The following SCN10A variants were observed in gnomAD, a reference collection of about 807,000 sequenced individuals.
The protein encoded by SCN10A is sodium voltage-gated channel alpha subunit 10.
A neutral mutation model predicts 170.7 loss-of-function variants in SCN10A; 162 were observed. That is an observed-to-expected ratio of 0.95 (90% CI 0.84 to 1.08). The LOEUF is 1.08. Ranked by LOEUF, SCN10A falls within the 50% of genes least tolerant of loss-of-function variation. The pLI is 0.00. For missense variants in SCN10A, 2,527 were observed against 2,436.9 expected (o/e 1.04, Z -0.78); for synonymous variants, 985 against 904.6 (o/e 1.09, Z -1.59).
chr3:38,756,960 C>T, intron 9 of SCN10A, 58 bp downstream of exon 9: 3 of 1,605,182 alleles, frequency 1.9e-6, no homozygotes, highest in Non-Finnish European at 2.6e-6. Flanking sequence ...AAAGCACAGC[C>T]ATGCAGCTGA....
intron 4 of SCN10A, among the ~76,000 whole-genome samples, chr3:38,781,729 T>C (rs1575174561): frequency 6.6e-6 from 1 of 152,150 alleles, no homozygotes; most frequent in African/African-American, 2.4e-5. Context: ...GGTTCCTACT[T>C]TGATTAATAA....
intron 8 of SCN10A, 61 bp from the exon 9 acceptor site, chr3:38,757,220 C>T (rs757752502): frequency 1.3e-5 from 20 of 1,494,144 alleles, no homozygotes; most frequent in African/African-American, 4.2e-5. Flanking sequence ...CCCAGGGCTG[C>T]GAGACAACCA....
At chr3:38,739,107 G>A (rs1228494114) in intron 15 of SCN10A, among the ~76,000 whole-genome samples, 1 of 152,118 alleles carries the variant, frequency 6.6e-6, no homozygotes, top group Non-Finnish European at 1.5e-5. Flanking sequence ...CCACCCCTGA[G>A]GATCTTAAAA....
intron 4 of SCN10A, among the ~76,000 whole-genome samples, chr3:38,774,784 G>A: frequency 6.6e-6 from 1 of 152,216 alleles, no homozygotes; most frequent in East Asian, 1.9e-4. Context: ...CAGTGTGGGA[G>A]AGCAGCCTCT....
At chr3:38,746,694 T>G (rs2063694353) in intron 13 of SCN10A, among the ~76,000 whole-genome samples, 1 of 152,130 alleles carries the variant, frequency 6.6e-6, no homozygotes, top group South Asian at 2.1e-4. Context: ...TTTCATTCCT[T>G]CAAATGTTAT....
At chr3:38,773,722 A>G (rs566190328) in intron 4 of SCN10A, among the ~76,000 whole-genome samples, 1 of 152,346 alleles carries the variant, frequency 6.6e-6, no homozygotes, top group East Asian at 1.9e-4. Flanking sequence ...TAGCAATGTA[A>G]TGTAATTATA....
chr3:38,803,967 C>T (rs925354565), intron 1 of SCN10A, among the ~76,000 whole-genome samples: 1 of 152,144 alleles, frequency 6.6e-6, no homozygotes, highest in African/African-American at 2.4e-5. Flanking sequence ...CTGCCACAGT[C>T]CAATCCACCA....
chr3:38,719,973 G>A (rs933732132), intron 20 of SCN10A, among the ~76,000 whole-genome samples: 3 of 152,218 alleles, frequency 2.0e-5, no homozygotes, highest in Non-Finnish European at 1.5e-5. Context: ...CTTGGGAAAT[G>A]CTTATCCTCC....
At chr3:38,729,538 T>C (rs1435478557) in intron 15 of SCN10A, among the ~76,000 whole-genome samples, 2 of 152,134 alleles carry the variant, frequency 1.3e-5, no homozygotes, top group South Asian at 2.1e-4. Flanking sequence ...ATGAGGTGTA[T>C]GAAGAGAGGT....
chr3:38,779,562 TTTG>T (rs1350037217), intron 4 of SCN10A, among the ~76,000 whole-genome samples: 1 of 152,018 alleles, frequency 6.6e-6, no homozygotes, highest in Non-Finnish European at 1.5e-5. Context: ...CTTTCTTTCA[TTTG>T]TTATCCTTTT....
chr3:38,765,939 TG>T (rs1300884842), intron 5 of SCN10A, among the ~76,000 whole-genome samples: 1 of 152,078 alleles, frequency 6.6e-6, no homozygotes, highest in Non-Finnish European at 1.5e-5. Flanking sequence ...TTCACCTTTT[TG>T]GTTAGGTATA....
At chr3:38,763,356 T>C (rs2063897006) in intron 6 of SCN10A, 149 bp downstream of exon 6, 1 of 686,294 alleles carries the variant, frequency 1.5e-6, no homozygotes, top group South Asian at 1.8e-5. Context: ...GGCCTTGGGT[T>C]TATGTTTCCT....
At chr3:38,788,291 G>A (rs1332602694) in intron 4 of SCN10A, among the ~76,000 whole-genome samples, 3 of 150,086 alleles carry the variant, frequency 2.0e-5, no homozygotes, top group African/African-American at 7.4e-5. Context: ...TTAGGTTCAA[G>A]CTGGAGTGGA....
chr3:38,745,057 C>A (rs901005666), intron 13 of SCN10A, among the ~76,000 whole-genome samples: 14 of 152,158 alleles, frequency 9.2e-5, no homozygotes, highest in Admixed American at 9.2e-4. Context: ...AAAAGAAGCA[C>A]AGGAAGTAGT....
At chr3:38,793,468 A>G (rs2064310443) in intron 2 of SCN10A, among the ~76,000 whole-genome samples, 2 of 152,146 alleles carry the variant, frequency 1.3e-5, no homozygotes, top group South Asian at 2.1e-4. Flanking sequence ...GCCAGAGGTC[A>G]TCCAAGGGAA....
chr3:38,750,729 C>G (rs1362610446), intron 12 of SCN10A, among the ~76,000 whole-genome samples: 1 of 152,110 alleles, frequency 6.6e-6, no homozygotes, highest in African/African-American at 2.4e-5. Flanking sequence ...AATATAGGTC[C>G]ATACTAAACA....
At position 38,696,845 on chromosome 3, in the gene SCN10A, G is replaced by T. The variant is rs1320865943; in HGVS notation, c.*504C>A. On this transcript the variant is annotated 3_prime_UTR_variant, in exon 28 of 28. Coordinates refer to ENST00000449082, the MANE Select transcript of SCN10A (RefSeq NM_006514.4). ...ATTAATTTTAATGGATATCTCAAAG[G>T]CTTTTCATGACATAGGCCACAGGTG... The T allele has an allele frequency of 1.2e-5, 2 of 160,386 alleles. No homozygotes were observed. The highest frequency in any genetic ancestry group is 1.7e-4 in the South Asian group (1 of 5,734). The allele number at this position is 160,386 out of a possible 1,614,324, so 9.9% of individuals were successfully genotyped here.
chr3:38,752,865 G>A (rs1380003040), intron 11 of SCN10A, among the ~76,000 whole-genome samples: 1 of 152,208 alleles, frequency 6.6e-6, no homozygotes, highest in African/African-American at 2.4e-5. Context: ...GCTGTCCTAA[G>A]TTCACTTTTC....
At chr3:38,721,862 C>T (rs1046535708) in intron 20 of SCN10A, among the ~76,000 whole-genome samples, 6 of 152,172 alleles carry the variant, frequency 3.9e-5, no homozygotes, top group African/African-American at 9.7e-5. Context: ...CAGAGAAGGC[C>T]GTGTGTTGGG....
Sources: allele counts gnomAD v4.1 joint callset (sites outside exome capture counted in the v4.1 genomes callset), GRCh38; gene constraint gnomAD v4.1.1; transcripts MANE v1.5; gene names NCBI Gene and HGNC (gene_info 2026-07-23, HGNC 2026-07-21).